Variants in TENM3 observed in about 807,000 individuals in gnomAD.
TENM3 encodes teneurin-3.
TENM3 carries 63 observed loss-of-function variants against 255.1 expected under a neutral mutation model. That is an observed-to-expected ratio of 0.25 (90% CI 0.20 to 0.30). The LOEUF is 0.30. TENM3 is among the 10% of genes least tolerant of loss of function. The probability of loss-of-function intolerance (pLI) is 1.00; values close to 1 mark genes in which losing one functional copy is unlikely to be tolerated. For synonymous variants in TENM3, 1,306 were observed against 1,322.3 expected, an observed-to-expected ratio of 0.99 and a Z score of 0.27; for missense variants, 2,929 against 3,461.1, an observed-to-expected ratio of 0.85 and a Z score of 3.86.
chr4:181,673,954 A>C, the TENM3 span, among the ~76,000 whole-genome samples: 2 of 151,964 alleles, frequency 1.3e-5, no homozygotes, highest in East Asian at 1.9e-4. Flanking sequence ...CTTCTAAAGC[A>C]ACCACAGCAG....
At chr4:182,113,790 C>T in the TENM3 span, among the ~76,000 whole-genome samples, 1 of 152,046 alleles carries the variant, frequency 6.6e-6, no homozygotes, top group African/African-American at 2.4e-5. Flanking sequence ...TTACTTTGAA[C>T]ATTAAGAAAC....
the TENM3 span, among the ~76,000 whole-genome samples, chr4:182,099,290 T>C: frequency 6.6e-6 from 1 of 152,066 alleles, no homozygotes; most frequent in Non-Finnish European, 1.5e-5. Flanking sequence ...TATGTGTCCA[T>C]AAAAATTTTA....
chr4:181,534,473 C>A, the TENM3 span, among the ~76,000 whole-genome samples: 49 of 151,546 alleles, frequency 3.2e-4, no homozygotes, highest in Middle Eastern at 3.4e-3. Context: ...TCTTCCCCCC[C>A]CCCACAGAAA....
chr4:181,757,715 A>G, the TENM3 span, among the ~76,000 whole-genome samples: 1 of 152,168 alleles, frequency 6.6e-6, no homozygotes, highest in South Asian at 2.1e-4. Context: ...TTGAATGAAA[A>G]ACAGTCTACC....
intron 6 of TENM3, among the ~76,000 whole-genome samples, chr4:182,660,616 G>A (rs1415492151): frequency 1.3e-5 from 2 of 152,154 alleles, no homozygotes; most frequent in Admixed American, 6.5e-5. Context: ...CTGCAAATCA[G>A]CATCGGTAGT....
chr4:181,971,769 G>C, the TENM3 span, among the ~76,000 whole-genome samples: 1 of 151,802 alleles, frequency 6.6e-6, no homozygotes, highest in Non-Finnish European at 1.5e-5. Context: ...GATCTTTGCT[G>C]TGTTGTCCAG....
the TENM3 span, among the ~76,000 whole-genome samples, chr4:181,522,178 T>TATAGAGCA: frequency 6.7e-6 from 1 of 149,356 alleles, no homozygotes; most frequent in Non-Finnish European, 1.5e-5. Flanking sequence ...GGGTGCTATG[T>TATAGAGCA]ATAGAGCAGA....
chr4:181,728,111 A>G, the TENM3 span, among the ~76,000 whole-genome samples: 3 of 152,204 alleles, frequency 2.0e-5, no homozygotes, highest in Non-Finnish European at 4.4e-5. Context: ...TAAAACTTTT[A>G]TCAAAAAACA....
chr4:181,736,326 C>A, the TENM3 span, among the ~76,000 whole-genome samples: 4 of 152,044 alleles, frequency 2.6e-5, no homozygotes, highest in African/African-American at 9.7e-5. Flanking sequence ...ATATAAATTT[C>A]TATTCTTTCT....
the TENM3 span, among the ~76,000 whole-genome samples, chr4:181,987,845 A>G: frequency 1.3e-5 from 2 of 152,054 alleles, no homozygotes; most frequent in African/African-American, 4.8e-5. Context: ...TAAGGGCAGA[A>G]GGAGGACATT....
the TENM3 span, among the ~76,000 whole-genome samples, chr4:181,713,229 T>C: frequency 6.6e-6 from 1 of 152,170 alleles, no homozygotes; most frequent in Non-Finnish European, 1.5e-5. Context: ...CATGGTCCCA[T>C]TGCTACAAAG....
chr4:181,981,898 G>C, the TENM3 span, among the ~76,000 whole-genome samples: 1 of 152,134 alleles, frequency 6.6e-6, no homozygotes, highest in Admixed American at 6.6e-5. Flanking sequence ...TCCACAAGTT[G>C]GCCCCGTCAT....
chr4:182,465,438 A>G (rs1014856749), intron 3 of TENM3, among the ~76,000 whole-genome samples: 2 of 152,144 alleles, frequency 1.3e-5, no homozygotes, highest in African/African-American at 4.8e-5. Flanking sequence ...ATGAGGAAAC[A>G]TGCCTTAGTA....
At chr4:182,677,204 C>T (rs566081864) in intron 7 of TENM3, among the ~76,000 whole-genome samples, 17 of 152,198 alleles carry the variant, frequency 1.1e-4, no homozygotes, top group South Asian at 6.2e-4. Context: ...AATTCATGTG[C>T]GAAACACTTC....
At chr4:182,465,641 T>TA (rs1192321830) in intron 3 of TENM3, among the ~76,000 whole-genome samples, 6 of 152,216 alleles carry the variant, frequency 3.9e-5, no homozygotes, top group Non-Finnish European at 7.4e-5. Context: ...CAGCTATTTA[T>TA]AAAAAAAGTA....
chr4:182,499,142 T>G (rs1386619130), intron 3 of TENM3, among the ~76,000 whole-genome samples: 1 of 152,212 alleles, frequency 6.6e-6, no homozygotes, highest in Non-Finnish European at 1.5e-5. Flanking sequence ...TGAAATGATT[T>G]GATTTGGTAG....
At chr4:182,604,274 A>G (rs1486008274) in intron 4 of TENM3, among the ~76,000 whole-genome samples, 1 of 152,220 alleles carries the variant, frequency 6.6e-6, no homozygotes, top group African/African-American at 2.4e-5. Flanking sequence ...CTAGAGTCAC[A>G]CTGAGATCCA....
At chr4:181,538,408 A>G in the TENM3 span, among the ~76,000 whole-genome samples, 4 of 152,160 alleles carry the variant, frequency 2.6e-5, no homozygotes, top group Non-Finnish European at 1.5e-5. Flanking sequence ...AACGCTCGGA[A>G]CATAAAAGCA....
chr4:181,589,592 T>G, the TENM3 span, among the ~76,000 whole-genome samples: 4 of 152,182 alleles, frequency 2.6e-5, no homozygotes, highest in African/African-American at 9.7e-5. Context: ...TAGGAATTTT[T>G]GGCTGGACCT....
Sources: gnomAD v4.1 joint callset for allele counts (sites outside exome capture counted in the v4.1 genomes callset) on GRCh38, gnomAD v4.1.1 for gene constraint, MANE v1.5 for transcripts, NCBI Gene and HGNC (gene_info 2026-07-23, HGNC 2026-07-21) for gene names.